Variants in KATNAL2 observed in about 807,000 individuals in gnomAD.
KATNAL2 encodes katanin p60 ATPase-containing subunit A-like 2.
In KATNAL2, 52 loss-of-function variants were observed where a neutral mutation model predicts 76.3. The observed-to-expected ratio is 0.68, with a 90% CI of 0.55 to 0.86. The LOEUF is 0.86. Ranked by LOEUF, KATNAL2 falls within the 40% of genes least tolerant of loss-of-function variation. The pLI, the probability that KATNAL2 is intolerant of heterozygous loss-of-function variation, is 0.00. For missense variants in KATNAL2, 660 were observed against 668.9 expected (o/e 0.99, Z 0.15); for synonymous variants, 243 against 244.2 (o/e 1.00, Z 0.05).
rs2059717537 is a variant in KATNAL2 at position 46,955,487 on chromosome 18, G to C, written c.51+8564G>C. ...GATCCGTCTGCCTTGGCCTCCCAAA[G>C]TGCTGGAATTACAGGCGTTCTACCG... On this transcript the variant is annotated intron_variant, in intron 3 of 17. Coordinates refer to ENST00000683218, the MANE Select transcript of KATNAL2 (RefSeq NM_001387690.1). 2.0e-5 allele frequency among the ~76,000 whole-genome samples: 3 copies of C among 151,754 alleles called. No individual in the cohort carries two copies. In the South Asian group the frequency reaches 6.2e-4, roughly 32 times the overall value.
intron 15 of KATNAL2, among the ~76,000 whole-genome samples, chr18:47,089,843 G>T (rs1468201149): frequency 6.6e-6 from 1 of 152,126 alleles, no homozygotes; most frequent in African/African-American, 2.4e-5. Flanking sequence ...TAAGGAAGCA[G>T]GCCATTTAAC....
intron 1 of KATNAL2, among the ~76,000 whole-genome samples, chr18:46,926,964 G>C (rs1303094925): frequency 6.6e-6 from 1 of 151,958 alleles, no homozygotes; most frequent in African/African-American, 2.4e-5. Context: ...CCCTTATTTT[G>C]AGCCTATGTG....
At chr18:47,080,202 C>T (rs193258321) in intron 15 of KATNAL2, among the ~76,000 whole-genome samples, 3 of 152,232 alleles carry the variant, frequency 2.0e-5, no homozygotes, top group Admixed American at 1.3e-4. Context: ...GCCACAGTGA[C>T]CTTCAGTGGC....
intron 14 of KATNAL2, 81 bp downstream of exon 14, chr18:47,075,449 C>A: frequency 1.9e-6 from 2 of 1,036,786 alleles, no homozygotes; most frequent in Non-Finnish European, 2.6e-6. Context: ...TGGTCGGAAG[C>A]CTATAGACAT....
intron 3 of KATNAL2, chr18:47,034,563 T>C: frequency 6.2e-7 from 1 of 1,614,092 alleles, no homozygotes; most frequent in Non-Finnish European, 8.5e-7. Context: ...ACAAGGGGCG[T>C]TTTTCCTGGC....
chr18:47,058,016 G>C (rs375969578), intron 6 of KATNAL2, among the ~76,000 whole-genome samples: 1 of 152,164 alleles, frequency 6.6e-6, no homozygotes, highest in Non-Finnish European at 1.5e-5. Flanking sequence ...TGGGGGGCTC[G>C]AGGAGGCAAT....
chr18:47,058,457 A>G, intron 7 of KATNAL2, 105 bp downstream of exon 7: 2 of 674,154 alleles, frequency 3.0e-6, no homozygotes, highest in Non-Finnish European at 2.6e-6. Flanking sequence ...CGCTTTTAAA[A>G]TTGCTGTGTG....
intron 3 of KATNAL2, among the ~76,000 whole-genome samples, chr18:46,957,519 G>C (rs1251481908): frequency 2.0e-5 from 3 of 146,346 alleles, no homozygotes; most frequent in African/African-American, 5.1e-5. Context: ...CTCCCAAAGT[G>C]CTGGGATTAC....
intron 15 of KATNAL2, chr18:47,091,322 T>A (rs898928922): frequency 2.0e-5 from 3 of 152,228 alleles, no homozygotes; most frequent in Non-Finnish European, 2.9e-5. Context: ...GAGTCTTTGC[T>A]GCATTTCACA....
intron 4 of KATNAL2, 137 bp from the exon 5 acceptor site, chr18:47,052,743 G>A: frequency 1.7e-6 from 1 of 576,218 alleles, no homozygotes; most frequent in South Asian, 3.1e-5. Flanking sequence ...AACCTCCTAT[G>A]CACATACTAG....
At chr18:47,077,630 C>T (rs9961383) in intron 15 of KATNAL2, 169 bp downstream of exon 15, 307,196 of 560,542 alleles carry the variant, frequency 0.55, 86,660 homozygotes, top group Non-Finnish European at 0.59. Context: ...GTCTGTACCA[C>T]GAAAGATCTG....
At chr18:46,956,818 A>G (rs1336831327) in intron 3 of KATNAL2, among the ~76,000 whole-genome samples, 2 of 152,036 alleles carry the variant, frequency 1.3e-5, no homozygotes, top group Non-Finnish European at 2.9e-5. Context: ...TGAGGCAGGC[A>G]GATCACCTGA....
intron 13 of KATNAL2, among the ~76,000 whole-genome samples, chr18:47,072,942 A>G (rs1358494767): frequency 1.3e-5 from 2 of 152,040 alleles, no homozygotes; most frequent in African/African-American, 2.4e-5. Context: ...GGGCCTTTAG[A>G]TTGTTTCTAG....
intron 16 of KATNAL2, 116 bp downstream of exon 16, chr18:47,099,521 G>A (rs1299128601): frequency 3.0e-6 from 3 of 986,798 alleles, no homozygotes; most frequent in Non-Finnish European, 4.3e-6. Flanking sequence ...TAAGATCCAA[G>A]CTGCCCCCGT....
At chr18:46,954,069 GCTT>G (rs1462885289) in intron 3 of KATNAL2, among the ~76,000 whole-genome samples, 2 of 151,912 alleles carry the variant, frequency 1.3e-5, no homozygotes, top group African/African-American at 4.8e-5. Flanking sequence ...CAGTATATAC[GCTT>G]CCACTGAATT....
intron 3 of KATNAL2, among the ~76,000 whole-genome samples, chr18:47,031,858 G>A (rs1219894335): frequency 6.6e-6 from 1 of 152,132 alleles, no homozygotes; most frequent in African/African-American, 2.4e-5. Context: ...CTGAAATGCA[G>A]TATCCCTTTG....
chr18:47,043,585 A>C (rs1434025960), intron 3 of KATNAL2, among the ~76,000 whole-genome samples: 1 of 152,166 alleles, frequency 6.6e-6, no homozygotes, highest in Non-Finnish European at 1.5e-5. Flanking sequence ...AATGCAAGAA[A>C]ATGTCAAAGG....
intron 1 of KATNAL2, among the ~76,000 whole-genome samples, chr18:46,938,643 T>C (rs1020898638): frequency 6.6e-6 from 1 of 152,166 alleles, no homozygotes; most frequent in Admixed American, 6.5e-5. Context: ...CCTTGCTTTC[T>C]CTCTCATTCC....
chr18:47,034,739 C>T lies in KATNAL2; in HGVS notation c.52-11718C>T, dbSNP rs144690057. 2.3e-3 allele frequency: 3,760 copies of T among 1,612,928 alleles called. 80 individuals carry two copies. The African/African-American group carries it at 0.046, about 20-fold the overall frequency. ...GGGCCCTCGGGCATCCGGAGGGGAG[C>T]TGTGCGCGTTGGAGAGGCCCGATAG... On this transcript the variant is annotated intron_variant, in intron 3 of 17. Transcript: ENST00000683218.
Sources: allele counts gnomAD v4.1 joint callset (sites outside exome capture counted in the v4.1 genomes callset), GRCh38; gene constraint gnomAD v4.1.1; transcripts MANE v1.5; gene names NCBI Gene and HGNC (gene_info 2026-07-23, HGNC 2026-07-21).